TAS2R1: variants seen among roughly 807,000 people sequenced by gnomAD.
The protein encoded by TAS2R1 is taste 2 receptor member 1.
For synonymous variants in TAS2R1, 141 were observed against 134.2 expected, an observed-to-expected ratio of 1.05 and a Z score of -0.35; for missense variants, 370 against 353.4, an observed-to-expected ratio of 1.05 and a Z score of -0.38.
the TAS2R1 span, among the ~76,000 whole-genome samples, chr5:9,843,468 A>G: frequency 6.6e-6 from 1 of 152,210 alleles, no homozygotes; most frequent in African/African-American, 2.4e-5. Flanking sequence ...ATCTTCAGCC[A>G]CGATTTTCAC....
chr5:9,751,612 C>T, the TAS2R1 span, among the ~76,000 whole-genome samples: 16 of 152,128 alleles, frequency 1.1e-4, no homozygotes, highest in Non-Finnish European at 2.2e-4. Flanking sequence ...ACTTGCTTTA[C>T]ATTTCATATT....
chr5:9,640,210 G>A (rs1448407492), intron 2 of TAS2R1, among the ~76,000 whole-genome samples: 1 of 151,998 alleles, frequency 6.6e-6, no homozygotes, highest in African/African-American at 2.4e-5. Context: ...GAGAAGGAGT[G>A]CAATGGGACA....
the TAS2R1 span, among the ~76,000 whole-genome samples, chr5:9,860,209 T>G: frequency 1.3e-5 from 2 of 152,348 alleles, no homozygotes; most frequent in Non-Finnish European, 2.9e-5. Flanking sequence ...CAGGTGTCAA[T>G]GCTTGTTATC....
the TAS2R1 span, among the ~76,000 whole-genome samples, chr5:9,727,833 G>T: frequency 6.6e-6 from 1 of 152,214 alleles, no homozygotes; most frequent in Non-Finnish European, 1.5e-5. Context: ...GCCCCAGTGA[G>T]GTGCAGGACT....
At chr5:9,737,447 G>A in the TAS2R1 span, among the ~76,000 whole-genome samples, 1 of 152,208 alleles carries the variant, frequency 6.6e-6, no homozygotes, top group Non-Finnish European at 1.5e-5. Flanking sequence ...TGTGTCAGGT[G>A]AAATCATGCA....
chr5:9,831,071 T>C, the TAS2R1 span, among the ~76,000 whole-genome samples: 1 of 152,230 alleles, frequency 6.6e-6, no homozygotes, highest in South Asian at 2.1e-4. Flanking sequence ...GCAAAGTTTA[T>C]GAAGAGACAT....
At chr5:9,653,537 A>C (rs1740351567) in intron 2 of TAS2R1, among the ~76,000 whole-genome samples, 1 of 152,202 alleles carries the variant, frequency 6.6e-6, no homozygotes, top group Admixed American at 6.5e-5. Context: ...ATCCAGAAGT[A>C]GGATTGCTGG....
At chr5:9,735,375 G>A in the TAS2R1 span, among the ~76,000 whole-genome samples, 2 of 151,376 alleles carry the variant, frequency 1.3e-5, 1 homozygote, top group African/African-American at 4.9e-5. Flanking sequence ...GTTTTTTATT[G>A]CCAATGCGTG....
rs898009555 is a variant in TAS2R1, at chr5:9,630,078, A to C, written c.-46T>G. ...TACTTAAAAAATAATGAAGTTATAA[A>C]GTTTTGGACAGGTTGGGTTGTTCAC... On this transcript the variant is annotated 5_prime_UTR_variant, in exon 1 of 1. Transcript: ENST00000382492. 2.0e-6 allele frequency: 3 copies of C among 1,464,432 alleles called. No individual in the cohort carries two copies. Among genetic ancestry groups the C allele is most frequent in the Non-Finnish European group, 2.7e-6 (3 of 1,104,706 alleles). The allele number at this position is 1,464,432 out of a possible 1,614,324, so 90.7% of individuals were successfully genotyped here.
At chr5:9,815,250 G>A in the TAS2R1 span, among the ~76,000 whole-genome samples, 1 of 152,300 alleles carries the variant, frequency 6.6e-6, no homozygotes, top group African/African-American at 2.4e-5. Context: ...GTACAAGCCA[G>A]AGGCTTCACA....
the TAS2R1 span, among the ~76,000 whole-genome samples, chr5:9,796,735 A>AG: frequency 7.5e-5 from 11 of 146,876 alleles, no homozygotes; most frequent in African/African-American, 2.6e-4. Flanking sequence ...AAAAAAAAAA[A>AG]AAAAGAAAAG....
At chr5:9,770,298 C>T in the TAS2R1 span, among the ~76,000 whole-genome samples, 3 of 152,036 alleles carry the variant, frequency 2.0e-5, no homozygotes, top group Non-Finnish European at 4.4e-5. Context: ...TACCATGCTG[C>T]CTTGGTTACT....
chr5:9,725,406 GCCGGCTGGC>G, the TAS2R1 span, among the ~76,000 whole-genome samples: 2 of 152,200 alleles, frequency 1.3e-5, no homozygotes, highest in Admixed American at 1.3e-4. Flanking sequence ...ACTTGGAGCA[GCCGGCTGGC>G]CCTGCTGGCC....
chr5:9,831,870 T>C, the TAS2R1 span, among the ~76,000 whole-genome samples: 1 of 152,228 alleles, frequency 6.6e-6, no homozygotes, highest in African/African-American at 2.4e-5. Flanking sequence ...CCAAACAAAA[T>C]TCTGACATAC....
upstream of TAS2R1, among the ~76,000 whole-genome samples, chr5:9,631,194 G>C (rs997262036): frequency 5.3e-5 from 8 of 152,138 alleles, no homozygotes; most frequent in Admixed American, 1.3e-4. Flanking sequence ...GTTATCCCAA[G>C]ACTAAAGGCA....
At chr5:9,672,695 A>G (rs1474819418) in intron 1 of TAS2R1, among the ~76,000 whole-genome samples, 1 of 152,200 alleles carries the variant, frequency 6.6e-6, no homozygotes, top group Non-Finnish European at 1.5e-5. Context: ...AATGTAAATT[A>G]GTTCAGTCAT....
chr5:9,741,175 G>A, the TAS2R1 span, among the ~76,000 whole-genome samples: 18 of 152,132 alleles, frequency 1.2e-4, no homozygotes, highest in South Asian at 4.1e-4. Context: ...GTGAAGTCCC[G>A]GAGGTGGGGC....
At chr5:9,842,032 C>G in the TAS2R1 span, among the ~76,000 whole-genome samples, 1 of 152,156 alleles carries the variant, frequency 6.6e-6, no homozygotes, top group African/African-American at 2.4e-5. Flanking sequence ...ATTTGTAAAG[C>G]AGTAACAGAT....
the TAS2R1 span, among the ~76,000 whole-genome samples, chr5:9,839,661 T>C: frequency 6.6e-6 from 1 of 152,200 alleles, no homozygotes; most frequent in Non-Finnish European, 1.5e-5. Context: ...GACAAAATTC[T>C]TCACAGGCTT....
Sources: gnomAD v4.1 joint callset for allele counts (sites outside exome capture counted in the v4.1 genomes callset) on GRCh38, gnomAD v4.1.1 for gene constraint, MANE v1.5 for transcripts, NCBI Gene and HGNC (gene_info 2026-07-23, HGNC 2026-07-21) for gene names.